CERCAM: variants seen among roughly 807,000 people sequenced by gnomAD.
The protein encoded by CERCAM is inactive glycosyltransferase 25 family member 3.
Under a neutral mutation model 66.0 loss-of-function variants are expected in CERCAM, and 59 were observed. The ratio of observed to expected loss-of-function variants is 0.89; its 90% CI spans 0.73 to 1.11. The LOEUF is 1.11. Among genes scored for constraint, CERCAM ranks in the 50% most tolerant of loss-of-function variants. The pLI, the probability that CERCAM is intolerant of heterozygous loss-of-function variation, is 0.00. For synonymous variants in CERCAM, 318 were observed against 343.6 expected, an observed-to-expected ratio of 0.93 and a Z score of 0.83; for missense variants, 840 against 828.3, an observed-to-expected ratio of 1.01 and a Z score of -0.17.
chr9:128,421,252 G>A (rs533874981), intron 1 of CERCAM, 178 bp downstream of exon 1: 3 of 1,235,862 alleles, frequency 2.4e-6, no homozygotes, highest in South Asian at 7.7e-5. Context: ...GCCCCCTGCT[G>A]GGAGACGACA....
chr9:128,421,462 T>G, intron 1 of CERCAM: 1 of 1,002,130 alleles, frequency 1.0e-6, no homozygotes, highest in Non-Finnish European at 1.2e-6. Context: ...TGAAGTCCAC[T>G]GGGGCCCAAC....
chr9:128,435,947 G>T, intron 12 of CERCAM, 42 bp downstream of exon 12: 1 of 1,548,690 alleles, frequency 6.5e-7, no homozygotes, highest in African/African-American at 1.4e-5. Flanking sequence ...CGTAGACCTT[G>T]GCTTGCTCTC....
Position 128,421,150 on chromosome 9 carries a change from C to T in CERCAM, c.197+76C>T, listed in dbSNP as rs568880279. 3.3e-4 allele frequency: 410 copies of T among 1,258,722 alleles called. 3 individuals are homozygous for T. The East Asian group carries it at 8.0e-3, about 24-fold the overall frequency. The allele number at this position is 1,258,722 out of a possible 1,614,324, so 78.0% of individuals were successfully genotyped here. A position where few individuals can be genotyped will look rare whatever the true frequency, so the allele number is the denominator to read the frequency against. ...CAGATGGCCCCCGCCCCCGGCGGCCCTGTCTGCTCGCTCCCTGCCCAGACA... is the reference window on the plus strand; with the variant it reads ...CAGATGGCCCCCGCCCCCGGCGGCCTTGTCTGCTCGCTCCCTGCCCAGACA... On this transcript the variant is annotated intron_variant, in intron 1 of 12. Transcript: ENST00000372838.
At chr9:128,425,505 C>A (rs1261111862) in intron 5 of CERCAM, among the ~76,000 whole-genome samples, 2 of 151,002 alleles carry the variant, frequency 1.3e-5, no homozygotes, top group African/African-American at 4.9e-5. Context: ...GACCTCATCT[C>A]TTTTCTGCCC....
chr9:128,430,332 G>T (rs528258186), intron 8 of CERCAM, among the ~76,000 whole-genome samples: 20 of 152,272 alleles, frequency 1.3e-4, no homozygotes, highest in African/African-American at 4.8e-4. Context: ...AACCCAGGAG[G>T]CAGAGGTTGC....
intron 3 of CERCAM, among the ~76,000 whole-genome samples, 159 bp downstream of exon 3, chr9:128,423,422 G>C (rs1833759653): frequency 6.6e-6 from 1 of 152,102 alleles, no homozygotes; most frequent in Non-Finnish European, 1.5e-5. Context: ...TTCGAGACCA[G>C]CCTGGCCAAC....
At position 128,434,285 on chromosome 9, in the gene CERCAM, CT is replaced by C; in HGVS notation, c.1331+60del. On this transcript the variant is annotated intron_variant, in intron 10 of 12. Coordinates refer to ENST00000372838, the MANE Select transcript of CERCAM (RefSeq NM_016174.5). The surrounding 1 kb of genome is among the most constrained non-coding windows in gnomAD (Gnocchi z 4.5). ...GGCAGGGTGGGCCTCCGGAGTCTGC[CT>C]TTTCCTGCTTGGGACCCTGGCCGGC... 1 of 1,608,100 alleles carries C rather than the reference CT, an allele frequency of 6.2e-7. No homozygotes were observed. Among genetic ancestry groups the C allele is most frequent in the Non-Finnish European group, 8.5e-7 (1 of 1,176,316 alleles).
At chr9:128,424,717 G>T in intron 5 of CERCAM, 103 bp downstream of exon 5, 1 of 1,060,304 alleles carries the variant, frequency 9.4e-7, no homozygotes, top group Non-Finnish European at 1.4e-6. Flanking sequence ...ATTTCATCCT[G>T]TTAACCCATG....
intron 3 of CERCAM, chr9:128,423,926 T>C (rs1833773940): frequency 2.7e-5 from 15 of 562,158 alleles, no homozygotes; most frequent in Non-Finnish European, 9.3e-6. Context: ...GATCAGTAAC[T>C]CAGGTATAAT....
Position 128,435,799 on chromosome 9 carries a change from G to A in CERCAM, c.1682G>A (p.Arg561His), listed in dbSNP as rs375792934. The A allele has an allele frequency of 1.4e-4, 221 of 1,612,316 alleles. No homozygotes were observed. Among genetic ancestry groups the A allele is most frequent in the Non-Finnish European group, 1.7e-4 (197 of 1,179,556 alleles). ...TCTCCATGGGATGATGACAGCGGCC[G>A]CCTCATCAGCTGGAGCGGCTCCCAA... ...TSSPWDDDSGRLISWSGSQKT... is the reference protein window; with the variant it reads ...TSSPWDDDSGHLISWSGSQKT... The change falls in exon 12 of 13, where the codon CGC becomes CAC. Residue 561 changes from arginine (R) to histidine (H), a missense_variant. Coordinates refer to ENST00000372838, the MANE Select transcript of CERCAM (RefSeq NM_016174.5).
At position 128,424,384 on chromosome 9, in the gene CERCAM, CAGCCCAA is replaced by C; in HGVS notation, c.562-22_562-16del. 6.2e-7 allele frequency: 1 copy of C among 1,613,518 alleles called. No individual in the cohort carries two copies. Among genetic ancestry groups the C allele is most frequent in the South Asian group, 1.1e-5 (1 of 91,068 alleles). On this transcript the variant is annotated intron_variant, in intron 4 of 12. Transcript: ENST00000372838. Reference sequence around the variant, plus strand: ...GGGCAGGGGCAGGGGAGCCCTCTCACAGCCCAAAGCATCCCTTTTCCCCAGGGCTACT... The same window carrying C: ...GGGCAGGGGCAGGGGAGCCCTCTCACAGCATCCCTTTTCCCCAGGGCTACT...
At chr9:128,431,339 G>A in intron 9 of CERCAM, 36 bp downstream of exon 9, 1 of 1,611,944 alleles carries the variant, frequency 6.2e-7, no homozygotes, top group Non-Finnish European at 8.5e-7. Context: ...ACAGCCTTCG[G>A]GGAGAACGGG....
chr9:128,429,102 G>T, intron 8 of CERCAM, 66 bp downstream of exon 8: 1 of 1,184,336 alleles, frequency 8.4e-7, no homozygotes, highest in Non-Finnish European at 1.2e-6. Flanking sequence ...CTCCTAGCCC[G>T]CTAGGACTGG....
At chr9:128,430,752 A>G (rs1833955534) in intron 8 of CERCAM, 1 of 160,168 alleles carries the variant, frequency 6.2e-6, no homozygotes, top group South Asian at 1.8e-4. Context: ...GTGGTGGCTC[A>G]TGCCTGTAAT....
chr9:128,424,290 G>C lies in CERCAM; in HGVS notation c.561+18G>C. On this transcript the variant is annotated intron_variant, in intron 4 of 12. Coordinates refer to ENST00000372838, the MANE Select transcript of CERCAM (RefSeq NM_016174.5). ...CCCCCCAGGTGAGGCCGGGATGGGG[G>C]CCTTGGGTGGACTGAGGTCCTGGAA... The C allele has an allele frequency of 2.5e-6, 4 of 1,613,580 alleles. No homozygotes were observed. The highest frequency in any genetic ancestry group is 3.4e-6 in the Non-Finnish European group (4 of 1,179,718).
intron 9 of CERCAM, among the ~76,000 whole-genome samples, chr9:128,432,735 GTTTTCCAAAAGTTATTCTAAAGTAAC>G (rs1295639832): frequency 1.3e-5 from 2 of 152,152 alleles, no homozygotes; most frequent in East Asian, 3.9e-4. Flanking sequence ...ATCAAAAGTA[GTTTTCCAAAAGTTATTCTAAAGTAAC>G]TTTTCCAAAA....
At position 128,423,151 on chromosome 9, in the gene CERCAM, A is replaced by G. The variant is rs1833750541; in HGVS notation, c.314A>G (p.Tyr105Cys). ...VWRPEGEPRFYPDEEGPKHWT... is the reference protein window; with the variant it reads ...VWRPEGEPRFCPDEEGPKHWT... ...TCTCACCTCTATCCCCTCAGGTTCT[A>G]CCCAGATGAAGAGGGTCCCAAGCAC... The change falls in exon 3 of 13, where the codon TAC (tyrosine) becomes TGC (cysteine). Residue 105 changes from tyrosine (Y) to cysteine (C), a missense_variant. By Grantham distance (194) the Tyr-to-Cys change is radical. Coordinates refer to ENST00000372838, the MANE Select transcript of CERCAM (RefSeq NM_016174.5). The G allele has an allele frequency of 1.2e-6, 2 of 1,613,890 alleles. No homozygotes were observed. The highest frequency in any genetic ancestry group is 1.3e-5 in the African/African-American group (1 of 74,900).
chr9:128,420,345 G>C (rs867475453), upstream of CERCAM: 1 of 152,226 alleles, frequency 6.6e-6, no homozygotes, highest in Non-Finnish European at 1.5e-5. This position sits in a 1 kb window ranked among gnomAD's most constrained non-coding sequence, Gnocchi z 5.0. Flanking sequence ...CTGGTCTGCG[G>C]AGCTAGCGCC....
At chr9:128,423,315 C>T in intron 3 of CERCAM, 52 bp downstream of exon 3, 1 of 1,472,904 alleles carries the variant, frequency 6.8e-7, no homozygotes, top group Non-Finnish European at 9.4e-7. Flanking sequence ...GTATCCGTCC[C>T]TGATAGAAAT....
Sources: allele counts gnomAD v4.1 joint callset (sites outside exome capture counted in the v4.1 genomes callset), GRCh38; gene constraint gnomAD v4.1.1; non-coding constraint Gnocchi (gnomAD v3.1); transcripts MANE v1.5; gene names NCBI Gene and HGNC (gene_info 2026-07-23, HGNC 2026-07-21).